Variants in MACROD2 observed in about 807,000 individuals in gnomAD.
MACROD2 encodes the protein ADP-ribose glycohydrolase MACROD2.
A neutral mutation model predicts 70.4 loss-of-function variants in MACROD2; 36 were observed. That is an observed-to-expected ratio of 0.51 (90% CI 0.39 to 0.68). The LOEUF (loss-of-function observed/expected upper bound fraction) is 0.68. Among genes scored for constraint, MACROD2 ranks in the 30% least tolerant of loss-of-function variants. The pLI is 0.00. For synonymous variants in MACROD2, 172 were observed against 178.8 expected, an observed-to-expected ratio of 0.96 and a Z score of 0.30; for missense variants, 496 against 538.4, an observed-to-expected ratio of 0.92 and a Z score of 0.78.
intron 6 of MACROD2, among the ~76,000 whole-genome samples, chr20:15,421,106 G>A (rs1005030867): frequency 1.2e-4 from 18 of 152,196 alleles, no homozygotes; most frequent in East Asian, 5.8e-4. Context: ...ACAAGGGTGC[G>A]GTGGCTCATG....
chr20:14,249,877 T>A (rs1449984393), intron 3 of MACROD2, among the ~76,000 whole-genome samples: 1 of 152,104 alleles, frequency 6.6e-6, no homozygotes, highest in Non-Finnish European at 1.5e-5. Flanking sequence ...TAATTGGAAG[T>A]ACTCTAAAAC....
chr20:14,495,236 A>C (rs2084840528), intron 4 of MACROD2, among the ~76,000 whole-genome samples: 1 of 152,146 alleles, frequency 6.6e-6, no homozygotes, highest in Middle Eastern at 3.2e-3. Context: ...TTGTGTGATG[A>C]ATCAGAGACT....
chr20:14,187,139 G>GAAAAA (rs71335951), intron 3 of MACROD2, among the ~76,000 whole-genome samples: 13 of 112,982 alleles, frequency 1.2e-4, no homozygotes, highest in Non-Finnish European at 1.3e-4. Flanking sequence ...TTTAAAAAAG[G>GAAAAA]AAAAAAAAAA....
At chr20:14,076,953 T>A (rs2053923509) in intron 2 of MACROD2, among the ~76,000 whole-genome samples, 1 of 152,216 alleles carries the variant, frequency 6.6e-6, no homozygotes, top group African/African-American at 2.4e-5. Flanking sequence ...TGACTTCTTG[T>A]ATATCAAGCA....
At chr20:14,089,054 T>C (rs1313928596) in intron 3 of MACROD2, among the ~76,000 whole-genome samples, 1 of 152,222 alleles carries the variant, frequency 6.6e-6, no homozygotes, top group Non-Finnish European at 1.5e-5. Flanking sequence ...TCATAGCTGC[T>C]GCATAATATA....
chr20:14,956,897 G>A (rs1308160315), intron 5 of MACROD2, among the ~76,000 whole-genome samples: 1 of 152,052 alleles, frequency 6.6e-6, no homozygotes, highest in African/African-American at 2.4e-5. Flanking sequence ...ATGAATACAC[G>A]TTTATGTAAC....
At chr20:14,837,751 A>G (rs2073045208) in intron 5 of MACROD2, among the ~76,000 whole-genome samples, 1 of 152,142 alleles carries the variant, frequency 6.6e-6, no homozygotes, top group Non-Finnish European at 1.5e-5. Flanking sequence ...CATAGGAAAC[A>G]AAATACTAAT....
At chr20:14,575,142 C>A (rs1600403799) in intron 4 of MACROD2, among the ~76,000 whole-genome samples, 1 of 151,186 alleles carries the variant, frequency 6.6e-6, no homozygotes, top group South Asian at 2.1e-4. Context: ...GCAATATTTA[C>A]CAAATTGGAA....
At chr20:14,921,467 A>G (rs531946397) in intron 5 of MACROD2, among the ~76,000 whole-genome samples, 1 of 152,198 alleles carries the variant, frequency 6.6e-6, no homozygotes, top group Non-Finnish European at 1.5e-5. Flanking sequence ...GATACATTTG[A>G]GCCATTTTGC....
chr20:14,227,155 C>T (rs2081745650), intron 3 of MACROD2, among the ~76,000 whole-genome samples: 1 of 152,136 alleles, frequency 6.6e-6, no homozygotes, highest in Non-Finnish European at 1.5e-5. Context: ...CTTGGAGAAC[C>T]TTTGTGTCTA....
At chr20:15,030,095 A>C (rs2075263229) in intron 5 of MACROD2, among the ~76,000 whole-genome samples, 1 of 152,006 alleles carries the variant, frequency 6.6e-6, no homozygotes, top group African/African-American at 2.4e-5. Flanking sequence ...AAAAAAAAAA[A>C]AAAACCTGTT....
intron 5 of MACROD2, among the ~76,000 whole-genome samples, chr20:14,946,748 G>A (rs1305469995): frequency 6.6e-6 from 1 of 152,088 alleles, no homozygotes; most frequent in African/African-American, 2.4e-5. Flanking sequence ...CTAGTGGCAG[G>A]CACCTAGCAC....
chr20:15,533,458 G>A (rs1240083456), intron 8 of MACROD2, among the ~76,000 whole-genome samples: 1 of 152,114 alleles, frequency 6.6e-6, no homozygotes, highest in African/African-American at 2.4e-5. Flanking sequence ...GGTACTTTAA[G>A]TGTAGTTGTA....
At chr20:15,025,383 T>G (rs1427400692) in intron 5 of MACROD2, among the ~76,000 whole-genome samples, 1 of 151,688 alleles carries the variant, frequency 6.6e-6, no homozygotes, top group Non-Finnish European at 1.5e-5. Flanking sequence ...TCAAGTTCCT[T>G]GGCCAGACCC....
At position 15,088,397 on chromosome 20, in the gene MACROD2, TTATATATATATATATATATATATA is replaced by T. The variant is rs71190173; in HGVS notation, c.419-141512_419-141489del. On this transcript the variant is annotated intron_variant, in intron 5 of 17. Transcript: ENST00000684519. ...ACCATTAAAACATATATACTATATT[TTATATATATATATATATATATATA>T]TATATATATATATATATATATATAT... Among the ~76,000 whole-genome samples the T allele has an allele frequency of 1.8e-3, 197 of 111,136 alleles. 1 individual carries two copies. The highest frequency in any genetic ancestry group is 0.012 in the East Asian group (27 of 2,214). 72.9% of individuals were successfully genotyped at this position (111,136 alleles called of 152,430 possible).
intron 3 of MACROD2, among the ~76,000 whole-genome samples, chr20:14,130,930 G>T (rs202085078): frequency 0.03 from 3,316 of 109,404 alleles, 100 homozygotes; most frequent in African/African-American, 0.071. Context: ...TGTTTTTTTT[G>T]TTTTTTTTTT....
intron 4 of MACROD2, among the ~76,000 whole-genome samples, chr20:14,591,970 A>G (rs1981800330): frequency 6.6e-6 from 1 of 152,152 alleles, no homozygotes; most frequent in Admixed American, 6.5e-5. Flanking sequence ...TTTAGACTGA[A>G]TGTGAAGGTG....
rs71340210 is a variant in MACROD2, at chr20:15,113,763, AGTGT to A, written c.419-116143_419-116140del. ...TAGGTATGGGGTTGTGTAGTCTTGAAGTGTGTGTGTGTGTGTGTGTGTGTGTGTG... is the reference window on the plus strand; with the variant it reads ...TAGGTATGGGGTTGTGTAGTCTTGAAGTGTGTGTGTGTGTGTGTGTGTGTG... On this transcript the variant is annotated intron_variant, in intron 5 of 17. Transcript: ENST00000684519. 4.0e-3 allele frequency among the ~76,000 whole-genome samples: 581 copies of A among 144,138 alleles called. 2 individuals are homozygous for A. Among genetic ancestry groups the A allele is most frequent in the East Asian group, 0.01 (47 of 4,610 alleles). 94.6% of individuals were successfully genotyped at this position (144,138 alleles called of 152,430 possible). A position where few individuals can be genotyped will look rare whatever the true frequency, so the allele number is the denominator to read the frequency against.
chr20:14,029,154 AT>A (rs1433517056), intron 2 of MACROD2, among the ~76,000 whole-genome samples: 1 of 152,166 alleles, frequency 6.6e-6, no homozygotes, highest in Non-Finnish European at 1.5e-5. Context: ...AGAGGTTGCA[AT>A]TGTCCAGTTA....
Sources: allele counts gnomAD v4.1 joint callset (sites outside exome capture counted in the v4.1 genomes callset), GRCh38; gene constraint gnomAD v4.1.1; transcripts MANE v1.5; gene names NCBI Gene and HGNC (gene_info 2026-07-23, HGNC 2026-07-21).